The following DMD variants were observed in gnomAD, a reference collection of about 807,000 sequenced individuals.
DMD encodes dystrophin.
Under a neutral mutation model 330.1 loss-of-function variants are expected in DMD, and 63 were observed. The observed-to-expected ratio is 0.19, with a 90% CI of 0.16 to 0.24. The LOEUF is 0.24. DMD is among the 10% of genes least tolerant of loss of function. The pLI is 1.00. For synonymous variants in DMD, 1,223 were observed against 959.8 expected, an observed-to-expected ratio of 1.27 and a Z score of -5.07; for missense variants, 3,344 against 2,684.1, an observed-to-expected ratio of 1.25 and a Z score of -5.43.
At chrX:32,879,366 G>A (rs902067921) in intron 2 of DMD, among the ~76,000 whole-genome samples, 1 of 111,836 alleles carries the variant, frequency 8.9e-6, no homozygotes, top group African/African-American at 3.3e-5. Flanking sequence ...CACAGCTTGT[G>A]TTGCTTATTC....
chrX:33,032,965 G>A (rs750628754), intron 1 of DMD, among the ~76,000 whole-genome samples: 4 of 111,978 alleles, frequency 3.6e-5, no homozygotes, highest in East Asian at 2.8e-4. Context: ...CAGCACTGAC[G>A]GGAAACTTTG....
chrX:32,974,702 G>T (rs1157619495), intron 2 of DMD, among the ~76,000 whole-genome samples: 2 of 111,052 alleles, frequency 1.8e-5, no homozygotes, highest in African/African-American at 6.6e-5. Flanking sequence ...CCCAATTCCC[G>T]AGTGATTCAA....
chrX:32,411,731 C>T, intron 30 of DMD, 21 bp downstream of exon 30: 1 of 1,208,953 alleles, frequency 8.3e-7, no homozygotes. Context: ...AGAATGGAAG[C>T]TGATTCCCAG....
intron 9 of DMD, among the ~76,000 whole-genome samples, chrX:32,668,097 C>T (rs751813266): frequency 9.1e-6 from 1 of 110,337 alleles, no homozygotes; most frequent in Non-Finnish European, 1.9e-5. Flanking sequence ...TGCAGTGAGC[C>T]GAGATTGTGC....
At chrX:32,842,678 TTTTCTG>T (rs2080275543) in intron 4 of DMD, among the ~76,000 whole-genome samples, 1 of 111,656 alleles carries the variant, frequency 9.0e-6, no homozygotes, top group Admixed American at 9.5e-5. Flanking sequence ...TGTTATTCGG[TTTTCTG>T]TTTCTGTGTT....
intron 9 of DMD, among the ~76,000 whole-genome samples, chrX:32,682,502 T>C (rs1466903649): frequency 8.9e-6 from 1 of 111,853 alleles, no homozygotes; most frequent in Non-Finnish European, 1.9e-5. Context: ...TTAGCGAGTA[T>C]TCAAATATCA....
chrX:32,254,613 CACAAATA>C (rs1213418349), intron 43 of DMD, among the ~76,000 whole-genome samples: 1 of 111,596 alleles, frequency 9.0e-6, no homozygotes, highest in East Asian at 2.8e-4. Context: ...TAAGTAAGTA[CACAAATA>C]ACAAATAACA....
intron 1 of DMD, among the ~76,000 whole-genome samples, chrX:33,110,845 C>T (rs17283533): frequency 2.7e-5 from 3 of 109,361 alleles, no homozygotes; most frequent in African/African-American, 9.9e-5. Flanking sequence ...GTGTATTGAA[C>T]GTTCAAATGT....
At chrX:32,808,501 A>G (rs1158775850) in intron 7 of DMD, among the ~76,000 whole-genome samples, 1 of 111,593 alleles carries the variant, frequency 9.0e-6, no homozygotes, top group Non-Finnish European at 1.9e-5. Flanking sequence ...TGAGGCAATC[A>G]GGCTTCTGCG....
intron 47 of DMD, among the ~76,000 whole-genome samples, chrX:31,883,129 A>G (rs1270449320): frequency 1.8e-5 from 2 of 112,279 alleles, no homozygotes; most frequent in Admixed American, 9.5e-5. Flanking sequence ...AATACCATAC[A>G]TAGAAAAACT....
At chrX:32,635,518 T>G (rs1602374243) in intron 11 of DMD, among the ~76,000 whole-genome samples, 1 of 112,100 alleles carries the variant, frequency 8.9e-6, no homozygotes, top group African/African-American at 3.2e-5. Flanking sequence ...ATGTATGGTG[T>G]ATCATTAAAT....
At chrX:31,955,931 G>T (rs1255119109) in intron 45 of DMD, among the ~76,000 whole-genome samples, 1 of 112,286 alleles carries the variant, frequency 8.9e-6, no homozygotes, top group African/African-American at 3.2e-5. Context: ...GGTAGAGACT[G>T]CTTAGCTGCT....
chrX:32,142,210 G>T (rs1447512304), intron 44 of DMD, among the ~76,000 whole-genome samples: 1 of 111,177 alleles, frequency 9.0e-6, no homozygotes, highest in Non-Finnish European at 1.9e-5. Flanking sequence ...TGCAGAGGAG[G>T]ATGTCTACTC....
chrX:32,749,514 T>C (rs1048102344), intron 7 of DMD, among the ~76,000 whole-genome samples: 2 of 112,739 alleles, frequency 1.8e-5, no homozygotes, highest in Non-Finnish European at 3.8e-5. Context: ...AAACAGTTTA[T>C]AAATTATCCT....
intron 4 of DMD, among the ~76,000 whole-genome samples, chrX:32,833,162 G>A (rs1793562531): frequency 9.0e-6 from 1 of 111,418 alleles, no homozygotes; most frequent in African/African-American, 3.2e-5. Flanking sequence ...CAAGTGAAAT[G>A]TTAAATTTCC....
intron 9 of DMD, among the ~76,000 whole-genome samples, chrX:32,668,445 T>C (rs890632709): frequency 8.0e-5 from 9 of 111,998 alleles, no homozygotes; most frequent in African/African-American, 1.3e-4. Context: ...TATTCAGTCA[T>C]GAGAAATCAT....
chrX:33,080,955 CAG>C (rs921047282), intron 1 of DMD, among the ~76,000 whole-genome samples: 2 of 104,372 alleles, frequency 1.9e-5, no homozygotes, highest in African/African-American at 7.2e-5. Flanking sequence ...GCCAATTAAT[CAG>C]AGCTCTTTTA....
At chrX:32,515,427 G>C (rs937043887) in intron 18 of DMD, among the ~76,000 whole-genome samples, 1 of 111,280 alleles carries the variant, frequency 9.0e-6, no homozygotes, top group Non-Finnish European at 1.9e-5. Flanking sequence ...GTGCAGATCC[G>C]AGGAAGAGCC....
intron 63 of DMD, among the ~76,000 whole-genome samples, chrX:31,228,279 A>G (rs1257015552): frequency 1.9e-5 from 2 of 106,761 alleles, no homozygotes; most frequent in East Asian, 5.7e-4. Flanking sequence ...AAAAAATAAA[A>G]AAAAAAAAAA....
Sources: allele counts gnomAD v4.1 joint callset (sites outside exome capture counted in the v4.1 genomes callset), GRCh38; gene constraint gnomAD v4.1.1; transcripts MANE v1.5; gene names NCBI Gene and HGNC (gene_info 2026-07-23, HGNC 2026-07-21).